Variants in GRIN2B observed in about 807,000 individuals in gnomAD.
GRIN2B encodes glutamate ionotropic receptor NMDA type subunit 2B.
In GRIN2B, 5 loss-of-function variants were observed where a neutral mutation model predicts 114.5. The observed-to-expected ratio is 0.04, with a 90% confidence interval of 0.02 to 0.09. The LOEUF (loss-of-function observed/expected upper bound fraction) is 0.09, where lower values mean the gene tolerates loss of function less well. Ranked by LOEUF, GRIN2B falls within the 10% of genes least tolerant of loss-of-function variation. The pLI is 1.00. For synonymous variants in GRIN2B, 787 were observed against 745.1 expected (o/e 1.06, Z -0.92); for missense variants, 1,108 against 1,943.5 (o/e 0.57, Z 8.08).
chr12:13,766,355 A>C (rs992087323), intron 3 of GRIN2B, among the ~76,000 whole-genome samples: 3 of 152,204 alleles, frequency 2.0e-5, no homozygotes, highest in African/African-American at 7.2e-5. Context: ...TCTGTTTTTC[A>C]AGCTTCTTTC....
intron 3 of GRIN2B, among the ~76,000 whole-genome samples, chr12:13,823,192 C>T (rs527964613): frequency 6.6e-6 from 1 of 152,036 alleles, no homozygotes; most frequent in Admixed American, 6.5e-5. Context: ...TCAATTTCTA[C>T]CCCCACCCTG....
chr12:13,873,829 T>C (rs1203419579), intron 2 of GRIN2B, among the ~76,000 whole-genome samples: 1 of 152,180 alleles, frequency 6.6e-6, no homozygotes, highest in African/African-American at 2.4e-5. Flanking sequence ...CACCTAAATA[T>C]AGTCCTGCAG....
intron 11 of GRIN2B, among the ~76,000 whole-genome samples, chr12:13,570,627 TTACAGCA>T (rs1254940338): frequency 6.6e-6 from 1 of 152,260 alleles, no homozygotes; most frequent in African/African-American, 2.4e-5. Flanking sequence ...AATACATAAA[TTACAGCA>T]TATAGTTCCT....
intron 5 of GRIN2B, among the ~76,000 whole-genome samples, chr12:13,636,014 G>A (rs1949662954): frequency 6.6e-6 from 1 of 152,164 alleles, no homozygotes; most frequent in Non-Finnish European, 1.5e-5. Context: ...CAAAATATCA[G>A]CTAGAGAGAG....
chr12:13,677,193 T>C (rs1467602571), intron 4 of GRIN2B, among the ~76,000 whole-genome samples: 2 of 152,216 alleles, frequency 1.3e-5, no homozygotes, highest in Non-Finnish European at 2.9e-5. Flanking sequence ...GGCTTAATGT[T>C]TCTTGTGAGA....
intron 9 of GRIN2B, among the ~76,000 whole-genome samples, chr12:13,611,238 A>G (rs1215384422): frequency 1.3e-5 from 2 of 152,142 alleles, no homozygotes. Context: ...GGGTTGAACC[A>G]GGGGCATATG....
At chr12:13,845,632 T>C (rs1418523407) in intron 3 of GRIN2B, among the ~76,000 whole-genome samples, 1 of 152,146 alleles carries the variant, frequency 6.6e-6, no homozygotes, top group East Asian at 1.9e-4. Context: ...GTGTCCTCTA[T>C]TGTAAAATAA....
intron 2 of GRIN2B, among the ~76,000 whole-genome samples, chr12:13,937,380 T>A (rs939896142): frequency 6.6e-6 from 1 of 151,838 alleles, no homozygotes; most frequent in African/African-American, 2.4e-5. Flanking sequence ...AAGACCTGGC[T>A]AAAGAGACGA....
At chr12:13,747,558 C>T (rs1863408894) in intron 4 of GRIN2B, among the ~76,000 whole-genome samples, 1 of 152,162 alleles carries the variant, frequency 6.6e-6, no homozygotes, top group Admixed American at 6.5e-5. Context: ...TGTCATTTTA[C>T]TAAACATTTT....
intron 3 of GRIN2B, among the ~76,000 whole-genome samples, chr12:13,861,436 G>A (rs930438049): frequency 2.6e-5 from 4 of 152,122 alleles, no homozygotes; most frequent in African/African-American, 9.7e-5. Flanking sequence ...GGATTCAGAT[G>A]GGCATCTTAA....
intron 3 of GRIN2B, among the ~76,000 whole-genome samples, chr12:13,849,537 ACT>A (rs1480615819): frequency 6.6e-6 from 1 of 151,554 alleles, no homozygotes; most frequent in Non-Finnish European, 1.5e-5. Flanking sequence ...AGAACAGAAG[ACT>A]CTCTATGACC....
chr12:13,643,081 C>G (rs373988368), intron 5 of GRIN2B, among the ~76,000 whole-genome samples: 2 of 152,120 alleles, frequency 1.3e-5, no homozygotes, highest in African/African-American at 4.8e-5. Flanking sequence ...TCTGTGAAGA[C>G]GAAAGTTATT....
At chr12:13,768,252 C>T (rs1863837075) in intron 3 of GRIN2B, among the ~76,000 whole-genome samples, 2 of 152,186 alleles carry the variant, frequency 1.3e-5, no homozygotes, top group South Asian at 2.1e-4. Context: ...GAGGTGGGTA[C>T]CTGGCCGAAG....
chr12:13,870,827 A>C (rs1865892821), intron 2 of GRIN2B, among the ~76,000 whole-genome samples: 1 of 152,212 alleles, frequency 6.6e-6, no homozygotes, highest in Admixed American at 6.5e-5. Flanking sequence ...TAGGCTTAAA[A>C]TATGTCACAT....
chr12:13,655,087 A>C (rs1052815063), intron 5 of GRIN2B, among the ~76,000 whole-genome samples: 18 of 152,186 alleles, frequency 1.2e-4, no homozygotes, highest in Admixed American at 3.9e-4. Context: ...GGGCCAGTGT[A>C]ACACTTTTGA....
intron 3 of GRIN2B, among the ~76,000 whole-genome samples, chr12:13,784,294 T>C (rs1184651860): frequency 6.7e-6 from 1 of 148,398 alleles, no homozygotes; most frequent in Non-Finnish European, 1.5e-5. Flanking sequence ...TGTAGGTGTC[T>C]GTCTCCCTGC....
chr12:13,732,465 G>A (rs181594367), intron 4 of GRIN2B, among the ~76,000 whole-genome samples: 15 of 152,206 alleles, frequency 9.9e-5, no homozygotes, highest in Non-Finnish European at 1.5e-4. Context: ...TGTATTCTAC[G>A]TTCTTTGAAA....
Position 13,898,329 on chromosome 12 carries a change from C to T in GRIN2B, c.-18-32103G>A, listed in dbSNP as rs117967844. On this transcript the variant is annotated intron_variant, in intron 2 of 13. Transcript: ENST00000609686. ...ATTTAAGTATGTGCCAGCCACTATG[C>T]TGTGTGATTTACACATATAACTGCA... Among the ~76,000 whole-genome samples the T allele has an allele frequency of 4.6e-3, 708 of 152,314 alleles. 3 individuals are homozygous for T. The highest frequency in any genetic ancestry group is 0.014 in the Middle Eastern group (4 of 294).
intron 5 of GRIN2B, among the ~76,000 whole-genome samples, chr12:13,667,054 A>G (rs1490557234): frequency 2.0e-5 from 3 of 152,178 alleles, no homozygotes; most frequent in African/African-American, 7.2e-5. Context: ...CACAGAATAG[A>G]AACAGCGCTG....
Sources: allele counts gnomAD v4.1 joint callset (sites outside exome capture counted in the v4.1 genomes callset), GRCh38; gene constraint gnomAD v4.1.1; transcripts MANE v1.5; gene names NCBI Gene and HGNC (gene_info 2026-07-23, HGNC 2026-07-21).